Variants in KIF6 observed in about 807,000 individuals in gnomAD.
KIF6 encodes kinesin-like protein KIF6.
Under a neutral mutation model 112.7 loss-of-function variants are expected in KIF6, and 106 were observed. The ratio of observed to expected loss-of-function variants is 0.94; its 90% CI spans 0.80 to 1.11. The LOEUF is 1.11. KIF6 is among the 50% of genes least tolerant of loss of function. The pLI is 0.00. For synonymous variants in KIF6, 339 were observed against 339.9 expected (o/e 1.00, Z 0.03); for missense variants, 929 against 964.0 (o/e 0.96, Z 0.48).
At chr6:39,381,648 C>CTGGGACACACAAGCTCT (rs1291861907) in intron 16 of KIF6, among the ~76,000 whole-genome samples, 3 of 152,162 alleles carry the variant, frequency 2.0e-5, no homozygotes, top group African/African-American at 7.2e-5. Context: ...ATGCGGCCAC[C>CTGGGACACACAAGCTCT]TGGGACACAC....
At chr6:39,545,098 T>C (rs1247193684) in intron 11 of KIF6, among the ~76,000 whole-genome samples, 1 of 152,206 alleles carries the variant, frequency 6.6e-6, no homozygotes, top group Non-Finnish European at 1.5e-5. Flanking sequence ...CTTTGTCTTA[T>C]CTATACCTGG....
intron 3 of KIF6, among the ~76,000 whole-genome samples, chr6:39,695,607 T>C (rs1214734080): frequency 6.6e-6 from 1 of 152,156 alleles, no homozygotes; most frequent in African/African-American, 2.4e-5. Context: ...GGATACCATC[T>C]CACACCAGTC....
chr6:39,699,338 A>C (rs1266960569), intron 3 of KIF6, among the ~76,000 whole-genome samples: 1 of 152,184 alleles, frequency 6.6e-6, no homozygotes, highest in African/African-American at 2.4e-5. Context: ...TCATTTGAAC[A>C]AAGACTTTAA....
At chr6:39,370,878 C>T (rs889037482) in intron 16 of KIF6, among the ~76,000 whole-genome samples, 4 of 152,002 alleles carry the variant, frequency 2.6e-5, no homozygotes, top group African/African-American at 2.4e-5. Flanking sequence ...TATTCAGGAG[C>T]TCTAGAGGGT....
chr6:39,526,829 G>T (rs1777766652), intron 13 of KIF6, among the ~76,000 whole-genome samples: 1 of 152,184 alleles, frequency 6.6e-6, no homozygotes, highest in Non-Finnish European at 1.5e-5. Flanking sequence ...GCATTCATGA[G>T]GAAATGCAAA....
At chr6:39,642,607 C>T (rs914438859) in intron 3 of KIF6, among the ~76,000 whole-genome samples, 1 of 152,016 alleles carries the variant, frequency 6.6e-6, no homozygotes, top group Non-Finnish European at 1.5e-5. Flanking sequence ...GCCCTGTCCT[C>T]GGGGTGTTTG....
intron 13 of KIF6, among the ~76,000 whole-genome samples, chr6:39,439,233 A>G (rs1771753497): frequency 6.6e-6 from 1 of 152,244 alleles, no homozygotes; most frequent in South Asian, 2.1e-4. Flanking sequence ...CTGCAAAGAC[A>G]TACATTTTAT....
intron 3 of KIF6, among the ~76,000 whole-genome samples, chr6:39,665,613 C>T (rs1229198021): frequency 2.0e-5 from 3 of 152,020 alleles, no homozygotes; most frequent in Non-Finnish European, 2.9e-5. Context: ...AAGTGTATTA[C>T]AGGAATAGAC....
At chr6:39,450,742 C>T (rs1378913925) in intron 13 of KIF6, among the ~76,000 whole-genome samples, 1 of 152,120 alleles carries the variant, frequency 6.6e-6, no homozygotes, top group East Asian at 1.9e-4. Flanking sequence ...GAGGTTGAGG[C>T]TTCAGTCAGC....
At chr6:39,664,744 T>G (rs1427837264) in intron 3 of KIF6, among the ~76,000 whole-genome samples, 3 of 152,170 alleles carry the variant, frequency 2.0e-5, no homozygotes, top group African/African-American at 7.2e-5. Flanking sequence ...AAATCATTTG[T>G]TCCCTATGTG....
intron 13 of KIF6, among the ~76,000 whole-genome samples, chr6:39,484,154 G>A (rs375689415): frequency 3.3e-4 from 51 of 152,284 alleles, no homozygotes; most frequent in African/African-American, 9.6e-4. Context: ...GCACATGGCC[G>A]TTTCCATCTC....
chr6:39,514,782 G>C (rs188499329), intron 13 of KIF6, among the ~76,000 whole-genome samples: 1 of 148,008 alleles, frequency 6.8e-6, no homozygotes, highest in African/African-American at 2.5e-5. Flanking sequence ...TTTCCCCCCC[G>C]GGGATGATTT....
chr6:39,673,269 G>C (rs1258228747), intron 3 of KIF6, among the ~76,000 whole-genome samples: 1 of 152,170 alleles, frequency 6.6e-6, no homozygotes, highest in Non-Finnish European at 1.5e-5. Context: ...CTATTTTTTA[G>C]CTTCTATAAT....
At chr6:39,644,811 T>C (rs1785086684) in intron 3 of KIF6, among the ~76,000 whole-genome samples, 1 of 152,220 alleles carries the variant, frequency 6.6e-6, no homozygotes, top group South Asian at 2.1e-4. Flanking sequence ...AATGTTTTAG[T>C]ATTTGAATTA....
chr6:39,457,327 A>C lies in KIF6; in HGVS notation c.1646-26166T>G, dbSNP rs535702938. Among the ~76,000 whole-genome samples the C allele has an allele frequency of 3.8e-3, 565 of 148,674 alleles. 4 individuals carry two copies. Among genetic ancestry groups the C allele is most frequent in the South Asian group, 8.6e-3 (39 of 4,520 alleles). On this transcript the variant is annotated intron_variant, in intron 13 of 22. Transcript: ENST00000287152. ...AAGATGTTCTTTGAAACCAACGAGA[A>C]CAAAGACACAACATACCAGAATCTC... is the stretch of plus-strand genomic sequence containing the variant.
At position 39,596,067 on chromosome 6, in the gene KIF6, T is replaced by C; in HGVS notation, c.833A>G (p.His278Arg). Residue 278 changes from histidine to arginine, a missense_variant, in exon 7 of 23, where the codon CAT (histidine) becomes CGT (arginine). This residue lies in a region of KIF6 where 688 missense variants were observed against 662.7 expected (regional missense o/e 1.04). Coordinates refer to ENST00000287152, the MANE Select transcript of KIF6 (RefSeq NM_145027.6). ...TGCCCATTTTACCTGTTCTAAGTAA[T>C]GTAGTGACAAGTTGATATACTTGGC... Reference protein sequence around the residue: ...TEAKYINLSLHYLEQVIIALS... With the variant: ...TEAKYINLSLRYLEQVIIALS... 1 of 1,613,722 alleles carries C rather than the reference T, an allele frequency of 6.2e-7. No individual in the cohort carries two copies. The highest frequency in any genetic ancestry group is 1.1e-5 in the South Asian group (1 of 91,074).
At chr6:39,679,615 T>TTTTC (rs1554146255) in intron 3 of KIF6, among the ~76,000 whole-genome samples, 3 of 8,042 alleles carry the variant, frequency 3.7e-4, no homozygotes, top group Non-Finnish European at 2.7e-3. Context: ...TTTTCTTTTC[T>TTTTC]TTTTTTTTTT....
chr6:39,540,033 T>C lies in KIF6; in HGVS notation c.1615A>G (p.Lys539Glu). ...TTCTTGTGGAGCAAACTGGATCTTT[T>C]CCCCAAAATGCTGAAGTCCTGGGCC... ...SQAQDFSILG[K>E]RSSLLHKKIG... Residue 539 changes from lysine (K) to glutamate (E), a missense_variant, in exon 13 of 23, where the codon AAA becomes GAA. By Grantham distance (56) the Lys-to-Glu change is moderately conservative. Around this residue, in one of 2 missense-constraint regions of KIF6, gnomAD observed 688 missense variants for 662.7 expected, o/e 1.04. Coordinates refer to ENST00000287152, the MANE Select transcript of KIF6 (RefSeq NM_145027.6). 6.2e-7 allele frequency: 1 copy of C among 1,606,658 alleles called. No individual in the cohort carries two copies. The highest frequency in any genetic ancestry group is 8.5e-7 in the Non-Finnish European group (1 of 1,177,842).
At chr6:39,524,329 T>A (rs1321659700) in intron 13 of KIF6, among the ~76,000 whole-genome samples, 2 of 152,166 alleles carry the variant, frequency 1.3e-5, no homozygotes, top group Admixed American at 6.5e-5. Context: ...TTATTCAACT[T>A]TATGGGCCAT....
Sources: allele counts gnomAD v4.1 joint callset (sites outside exome capture counted in the v4.1 genomes callset), GRCh38; gene constraint gnomAD v4.1.1; regional missense constraint gnomAD v4.1.1; transcripts MANE v1.5; gene names NCBI Gene and HGNC (gene_info 2026-07-23, HGNC 2026-07-21).